Variants in SLC9A3 observed in about 807,000 individuals in gnomAD.
The protein encoded by SLC9A3 is solute carrier family 9 member A3.
SLC9A3 carries 37 observed loss-of-function variants against 86.8 expected under a neutral mutation model. The observed-to-expected ratio is 0.43, with a 90% confidence interval of 0.33 to 0.56. The LOEUF (loss-of-function observed/expected upper bound fraction) is 0.56. Among genes scored for constraint, SLC9A3 ranks in the 20% least tolerant of loss-of-function variants. The pLI is 0.06. For missense variants in SLC9A3, 1,011 were observed against 1,171.9 expected, an observed-to-expected ratio of 0.86 and a Z score of 2.00; for synonymous variants, 581 against 528.3, an observed-to-expected ratio of 1.10 and a Z score of -1.37.
rs1389280896 is a variant in SLC9A3 at position 470,962 on chromosome 5, G to A, written c.*2417C>T. The A allele has an allele frequency of 3.3e-5, 5 of 152,302 alleles. No homozygotes were observed. Among genetic ancestry groups the A allele is most frequent in the African/African-American group, 1.2e-4 (5 of 41,444 alleles). 9.4% of individuals were successfully genotyped at this position (152,302 alleles called of 1,614,324 possible). A position where few individuals can be genotyped will look rare whatever the true frequency, so the allele number is the denominator to read the frequency against. ...GTTTGACAGCAGTGACAGGAACGTG[G>A]GGATCCCCACTCATGACGAGTCCCT... On this transcript the variant is annotated 3_prime_UTR_variant, in exon 17 of 17. Transcript: ENST00000264938.
At chr5:501,028 T>C (rs1740255480) in intron 1 of SLC9A3, among the ~76,000 whole-genome samples, 2 of 152,122 alleles carry the variant, frequency 1.3e-5, no homozygotes, top group East Asian at 1.9e-4. Flanking sequence ...AGGTAACTGA[T>C]TGCCGAGGCT....
chr5:513,120 C>T (rs1005822194), intron 1 of SLC9A3, among the ~76,000 whole-genome samples: 3 of 152,168 alleles, frequency 2.0e-5, no homozygotes, highest in African/African-American at 7.2e-5. Flanking sequence ...GGGGGGCGTG[C>T]ACCTACTGTG....
In SLC9A3 at chr5:524,099, CG is replaced by C. The variant is rs1227776224; in HGVS notation, c.211+12del. 1.3e-6 allele frequency: 2 copies of C among 1,482,402 alleles called. No homozygotes were observed. The highest frequency in any genetic ancestry group is 2.3e-5 in the Admixed American group (1 of 43,904). 91.8% of individuals were successfully genotyped at this position (1,482,402 alleles called of 1,614,324 possible). A position where few individuals can be genotyped will look rare whatever the true frequency, so the allele number is the denominator to read the frequency against. On this transcript the variant is annotated intron_variant, in intron 1 of 16. Coordinates refer to ENST00000264938, the MANE Select transcript of SLC9A3 (RefSeq NM_004174.4). ...ACCCCGCGGGCAGATCCGGAGACCC[CG>C]GGGCCACTTACCGATCTTGGCCAAG...
chr5:519,835 G>A (rs891616117), intron 1 of SLC9A3, among the ~76,000 whole-genome samples: 2 of 151,930 alleles, frequency 1.3e-5, no homozygotes, highest in Non-Finnish European at 1.5e-5. Context: ...AGAGGGGGGT[G>A]GGGGGGCTGC....
intron 1 of SLC9A3, among the ~76,000 whole-genome samples, chr5:511,465 C>T (rs970273535): frequency 3.9e-5 from 6 of 152,178 alleles, no homozygotes; most frequent in African/African-American, 1.4e-4. Flanking sequence ...ATAAACAACC[C>T]AGTGAGAAAT....
Position 492,132 on chromosome 5 carries a change from C to G in SLC9A3, c.212-61G>C, listed in dbSNP as rs1254056668. On this transcript the variant is annotated intron_variant, in intron 1 of 16. Coordinates refer to ENST00000264938, the MANE Select transcript of SLC9A3 (RefSeq NM_004174.4). Reference sequence around the variant, plus strand: ...TGAGGGAGGGGAGGGAGGTCAGGGCCGGGCTGTGAGGGAGGGGAGGGAGGT... The same window carrying G: ...TGAGGGAGGGGAGGGAGGTCAGGGCGGGGCTGTGAGGGAGGGGAGGGAGGT... 4.8e-5 allele frequency: 9 copies of G among 186,428 alleles called. No individual in the cohort carries two copies. In the African/African-American group the frequency reaches 5.5e-4, roughly 11 times the overall value. 11.5% of individuals were successfully genotyped at this position (186,428 alleles called of 1,614,324 possible). A position where few individuals can be genotyped will look rare whatever the true frequency, so the allele number is the denominator to read the frequency against.
rs756001053 is a variant in SLC9A3 at position 488,403 on chromosome 5, G to C, written c.588C>G (p.Val196=). Residue 196 remains valine, a synonymous_variant, in exon 3 of 17, where the codon GTC becomes GTG. Transcript: ENST00000264938. ...CATGGACCTCCTCAAACACGGCCAG[G>C]ACGGCCACCGGGTCCACAGCCGCCA... ...SLMAAVDPVA[V]LAVFEEVHVN... is the part of the protein sequence containing the mutation. The C allele has an allele frequency of 2.8e-5, 45 of 1,610,124 alleles. No individual in the cohort carries two copies. The highest frequency in any genetic ancestry group is 1.6e-5 in the Non-Finnish European group (19 of 1,178,398).
At position 481,655 on chromosome 5, in the gene SLC9A3, A is replaced by G. The variant is rs201552094; in HGVS notation, c.1447-20T>C. ...GAAAGCCTTTCAAGGGAAGAAAGAC[A>G]TGAGCGTCTCGGGGCGGCCAACCGG... On this transcript the variant is annotated intron_variant, in intron 8 of 16. Coordinates refer to ENST00000264938, the MANE Select transcript of SLC9A3 (RefSeq NM_004174.4). 1 of 1,610,168 alleles carries G rather than the reference A, an allele frequency of 6.2e-7. No individual in the cohort carries two copies. Among genetic ancestry groups the G allele is most frequent in the Non-Finnish European group, 8.5e-7 (1 of 1,176,672 alleles).
intron 4 of SLC9A3, 136 bp downstream of exon 4, chr5:485,017 A>T: frequency 1.4e-6 from 1 of 714,426 alleles, no homozygotes; most frequent in Non-Finnish European, 2.5e-6. Context: ...CTGGACGGGG[A>T]CGTGACGTGG....
chr5:483,601 C>CG, intron 5 of SLC9A3, 119 bp from the exon 6 acceptor site: 1 of 742,376 alleles, frequency 1.3e-6, no homozygotes, highest in Non-Finnish European at 2.3e-6. Flanking sequence ...TGTGTGGTTA[C>CG]GGGGGCCTCT....
rs746005978 is a variant in SLC9A3 at position 497,237 on chromosome 5, C to T, written c.212-5166G>A. On this transcript the variant is annotated intron_variant, in intron 1 of 16. Coordinates refer to ENST00000264938, the MANE Select transcript of SLC9A3 (RefSeq NM_004174.4). This position sits in a 1 kb window ranked among gnomAD's most constrained non-coding sequence, Gnocchi z 5.4. ...GCTCCCGGTGCCCAGGCCGCTGCCC[C>T]GCAGGTGCCCCTCAAGTCACACCAC... Among the ~76,000 whole-genome samples the T allele has an allele frequency of 8.5e-5, 13 of 152,248 alleles. No individual in the cohort carries two copies. In the East Asian group the frequency reaches 1.5e-3, roughly 18 times the overall value.
Position 497,422 on chromosome 5 carries a change from C to G in SLC9A3, c.212-5351G>C, listed in dbSNP as rs1740074053. 6.6e-6 allele frequency among the ~76,000 whole-genome samples: 1 copy of G among 152,188 alleles called. No individual in the cohort carries two copies. Among genetic ancestry groups the G allele is most frequent in the South Asian group, 2.1e-4 (1 of 4,834 alleles). ...TCCACCCTCGAGCATTTGCGAATGT[C>G]AGGCTGACACCTGTGTCTGAGCCTG... On this transcript the variant is annotated intron_variant, in intron 1 of 16. Transcript: ENST00000264938. The surrounding 1 kb of genome is among the most constrained non-coding windows in gnomAD (Gnocchi z 5.4).
chr5:476,622 C>T lies in SLC9A3; in HGVS notation c.1811G>A (p.Arg604Gln), dbSNP rs115689317. 1.2e-3 allele frequency: 1,910 copies of T among 1,609,402 alleles called. 5 individuals carry two copies. Among genetic ancestry groups the T allele is most frequent in the South Asian group, 2.2e-3 (196 of 91,078 alleles). Residue 604 changes from arginine to glutamine, a missense_variant, in exon 12 of 17, where the codon CGA becomes CAA. Coordinates refer to ENST00000264938, the MANE Select transcript of SLC9A3 (RefSeq NM_004174.4). ...VCLDMQSLEQ[R>Q]RRSIRDAEDM... The stretch of plus-strand genomic sequence containing the variant: ...CTCCGCGTCCCGGATGCTCCGCCGT[C>T]GCTGCTCCAGAGACTGCATGTCCAG...
At position 520,441 on chromosome 5, in the gene SLC9A3, T is replaced by A. The variant is rs146815965; in HGVS notation, c.211+3671A>T. Reference sequence around the variant, plus strand: ...GAGAACAGGATGGGGCCAGGAGGTCTGGCCCCTGCTGTGTCACTGATGACC... The same window carrying A: ...GAGAACAGGATGGGGCCAGGAGGTCAGGCCCCTGCTGTGTCACTGATGACC... On this transcript the variant is annotated intron_variant, in intron 1 of 16. Transcript: ENST00000264938. 6.6e-3 allele frequency among the ~76,000 whole-genome samples: 1,002 copies of A among 152,306 alleles called. 12 individuals carry two copies. Among genetic ancestry groups the A allele is most frequent in the African/African-American group, 0.023 (962 of 41,566 alleles).
In SLC9A3 at chr5:488,490, C is replaced by T. The variant is rs1230579480; in HGVS notation, c.515-14G>A. The T allele has an allele frequency of 8.5e-6, 13 of 1,533,026 alleles. No individual in the cohort carries two copies. Among genetic ancestry groups the T allele is most frequent in the Non-Finnish European group, 1.1e-5 (13 of 1,136,488 alleles). 95.0% of individuals were successfully genotyped at this position (1,533,026 alleles called of 1,614,324 possible). ...TCTGCAGGTCGCCTGGAAGACAAGCCGGGCCGCGGGGCAGCTGCAGGGCCT... is the reference window on the plus strand; with the variant it reads ...TCTGCAGGTCGCCTGGAAGACAAGCTGGGCCGCGGGGCAGCTGCAGGGCCT... On this transcript the variant is annotated splice_polypyrimidine_tract_variant and intron_variant, in intron 2 of 16. Transcript: ENST00000264938.
At position 484,182 on chromosome 5, in the gene SLC9A3, G is replaced by GGAGGAGGGC. The variant is rs1200304676; in HGVS notation, c.932+337_932+338insGCCCTCCTC. Among the ~76,000 whole-genome samples the GGAGGAGGGC allele has an allele frequency of 5.4e-3, 33 of 6,104 alleles. 4 individuals are homozygous for GGAGGAGGGC. The highest frequency in any genetic ancestry group is 0.019 in the East Asian group (4 of 216). The allele number at this position is 6,104 out of a possible 152,430, so 4.0% of individuals were successfully genotyped here. On this transcript the variant is annotated intron_variant, in intron 5 of 16. Coordinates refer to ENST00000264938, the MANE Select transcript of SLC9A3 (RefSeq NM_004174.4). ...ACCCAGGAGGGTGTGGAGAAGCTCGGGTTGGGGTCCCCCTGGCTGGCTCGC... is the reference window on the plus strand; with the variant it reads ...ACCCAGGAGGGTGTGGAGAAGCTCGGGAGGAGGGCGTTGGGGTCCCCCTGGCTGGCTCGC...
rs1443915633 is a variant in SLC9A3, at chr5:491,390, C to T, written c.514+379G>A. On this transcript the variant is annotated intron_variant, in intron 2 of 16. Coordinates refer to ENST00000264938, the MANE Select transcript of SLC9A3 (RefSeq NM_004174.4). The surrounding 1 kb of genome is among the most constrained non-coding windows in gnomAD (Gnocchi z 9.2). ...TGGCCGAGCGGCTCCGGCACACAGG[C>T]TGGGAGGGACGGTGCCCGATACACC... 6.6e-6 allele frequency among the ~76,000 whole-genome samples: 1 copy of T among 152,184 alleles called. No homozygotes were observed. The highest frequency in any genetic ancestry group is 1.5e-5 in the Non-Finnish European group (1 of 68,018).
chr5:484,450 G>T (rs954784192), intron 5 of SLC9A3, 70 bp downstream of exon 5: 1 of 1,483,062 alleles, frequency 6.7e-7, no homozygotes, highest in Non-Finnish European at 9.2e-7. Flanking sequence ...TCGCCCTGCC[G>T]GACCCAGGAG....
chr5:498,481 C>T (rs1560965547), intron 1 of SLC9A3, among the ~76,000 whole-genome samples: 3 of 152,244 alleles, frequency 2.0e-5, no homozygotes, highest in Admixed American at 2.0e-4. Flanking sequence ...CGGCTCACTG[C>T]AACCTCCGCC....
Sources: allele counts gnomAD v4.1 joint callset (sites outside exome capture counted in the v4.1 genomes callset), GRCh38; gene constraint gnomAD v4.1.1; non-coding constraint Gnocchi (gnomAD v3.1); transcripts MANE v1.5; gene names NCBI Gene and HGNC (gene_info 2026-07-23, HGNC 2026-07-21).